DSCAM: variants seen among roughly 807,000 people sequenced by gnomAD.
DSCAM encodes cell adhesion molecule DSCAM.
A neutral mutation model predicts 217.7 loss-of-function variants in DSCAM; 47 were observed. The ratio of observed to expected loss-of-function variants is 0.22; its 90% CI spans 0.17 to 0.28. DSCAM has a LOEUF of 0.28. Ranked by LOEUF, DSCAM falls within the 10% of genes least tolerant of loss-of-function variation. DSCAM has a pLI of 1.00. For synonymous variants in DSCAM, 1,056 were observed against 1,015.3 expected (o/e 1.04, Z -0.76); for missense variants, 2,080 against 2,618.3 (o/e 0.79, Z 4.49).
intron 11 of DSCAM, among the ~76,000 whole-genome samples, chr21:40,272,228 C>G (rs531107580): frequency 6.6e-6 from 1 of 152,246 alleles, no homozygotes; most frequent in South Asian, 2.1e-4. Flanking sequence ...TGATTGCAAG[C>G]AGAGCCTACT....
intron 3 of DSCAM, among the ~76,000 whole-genome samples, chr21:40,483,102 G>C (rs371831432): frequency 6.6e-6 from 1 of 152,268 alleles, no homozygotes; most frequent in Non-Finnish European, 1.5e-5. Flanking sequence ...AATGTCCCAC[G>C]CAATTCTTCT....
intron 3 of DSCAM, among the ~76,000 whole-genome samples, chr21:40,687,504 G>A (rs943170710): frequency 1.3e-5 from 2 of 152,070 alleles, no homozygotes; most frequent in African/African-American, 4.8e-5. Flanking sequence ...ACAAAGCAGA[G>A]GCCCCCCACA....
At chr21:40,802,859 A>G (rs568603428) in intron 1 of DSCAM, among the ~76,000 whole-genome samples, 2 of 152,214 alleles carry the variant, frequency 1.3e-5, no homozygotes, top group East Asian at 3.9e-4. Flanking sequence ...TAAATTACAC[A>G]TTTCTAGAAT....
intron 12 of DSCAM, 80 bp downstream of exon 12, chr21:40,188,962 C>A: frequency 7.1e-7 from 1 of 1,413,664 alleles, no homozygotes; most frequent in Non-Finnish European, 9.9e-7. Flanking sequence ...TGCTACTTAT[C>A]TGCACCCGCT....
At chr21:40,451,519 G>A (rs1035332584) in intron 3 of DSCAM, among the ~76,000 whole-genome samples, 12 of 152,082 alleles carry the variant, frequency 7.9e-5, no homozygotes, top group African/African-American at 2.9e-4. Context: ...TAGGTGTGTG[G>A]GGCTCGTATC....
intron 10 of DSCAM, among the ~76,000 whole-genome samples, chr21:40,277,640 T>A (rs1178870052): frequency 1.3e-5 from 2 of 151,288 alleles, no homozygotes; most frequent in East Asian, 3.9e-4. Flanking sequence ...GAATTTTTTT[T>A]TTTTTTTTTT....
chr21:40,232,020 G>A (rs2091386492), intron 11 of DSCAM, among the ~76,000 whole-genome samples: 1 of 152,280 alleles, frequency 6.6e-6, no homozygotes, highest in Middle Eastern at 3.4e-3. Flanking sequence ...TCATCTAAAT[G>A]TTCCCATATA....
chr21:40,051,346 A>G, intron 30 of DSCAM, among the ~76,000 whole-genome samples: 1 of 152,240 alleles, frequency 6.6e-6, no homozygotes, highest in East Asian at 1.9e-4. Flanking sequence ...TCCATATATT[A>G]TGGATGCAAA....
At position 40,764,275 on chromosome 21, in the gene DSCAM, G is replaced by T. The variant is rs2091364427; in HGVS notation, c.44-55504C>A. On this transcript the variant is annotated intron_variant, in intron 1 of 32. Transcript: ENST00000400454. Reference sequence around the variant, plus strand: ...AAAAAACAAACAACTCCATCAAAAAGTGGGTCAAGTATATTAGCAGACACT... The same window carrying T: ...AAAAAACAAACAACTCCATCAAAAATTGGGTCAAGTATATTAGCAGACACT... Among the ~76,000 whole-genome samples, 5 of 151,270 alleles carry T rather than the reference G, an allele frequency of 3.3e-5. No homozygotes were observed. The South Asian group carries it at 1.0e-3, about 32-fold the overall frequency.
chr21:40,050,820 G>A (rs1286856083), intron 30 of DSCAM, among the ~76,000 whole-genome samples: 1 of 152,112 alleles, frequency 6.6e-6, no homozygotes, highest in Non-Finnish European at 1.5e-5. Flanking sequence ...CCTTTGCAAA[G>A]CTAATTCCCA....
chr21:40,619,840 A>G (rs1326633165), intron 3 of DSCAM, among the ~76,000 whole-genome samples: 1 of 137,554 alleles, frequency 7.3e-6, no homozygotes, highest in African/African-American at 2.6e-5. Context: ...TTAAGCATGT[A>G]AAGAAAAAAA....
chr21:40,456,452 T>C (rs2075764190), intron 3 of DSCAM, among the ~76,000 whole-genome samples: 2 of 152,136 alleles, frequency 1.3e-5, no homozygotes, highest in Non-Finnish European at 2.9e-5. Flanking sequence ...TTTAATTATA[T>C]GATTACAGGT....
chr21:40,266,777 C>CATATATATATATATATATAT (rs10684678), intron 11 of DSCAM, among the ~76,000 whole-genome samples: 9 of 109,082 alleles, frequency 8.3e-5, no homozygotes, highest in South Asian at 3.4e-4. Context: ...TTTTCACATG[C>CATATATATATATATATATAT]ATATATATAT....
chr21:40,553,971 G>T (rs1382605915), intron 3 of DSCAM, among the ~76,000 whole-genome samples: 1 of 152,086 alleles, frequency 6.6e-6, no homozygotes, highest in East Asian at 1.9e-4. Flanking sequence ...CCCAGATCTT[G>T]AATCAGGGTG....
At chr21:40,572,523 C>A (rs1397543545) in intron 3 of DSCAM, among the ~76,000 whole-genome samples, 1 of 151,918 alleles carries the variant, frequency 6.6e-6, no homozygotes, top group Middle Eastern at 3.2e-3. Flanking sequence ...ACACTTAGAG[C>A]ATAAAGAGAT....
intron 1 of DSCAM, among the ~76,000 whole-genome samples, chr21:40,770,727 C>A (rs1296018990): frequency 6.6e-6 from 1 of 152,168 alleles, no homozygotes; most frequent in Non-Finnish European, 1.5e-5. Context: ...TATGGGATCC[C>A]CATCTTCCAG....
rs574152055 is a variant in DSCAM, at chr21:40,645,034, G to A, written c.508+47776C>T. Among the ~76,000 whole-genome samples, 8 of 152,244 alleles carry A rather than the reference G, an allele frequency of 5.3e-5. No homozygotes were observed. In the South Asian group the frequency reaches 1.7e-3, roughly 32 times the overall value. On this transcript the variant is annotated intron_variant, in intron 3 of 32. Coordinates refer to ENST00000400454, the MANE Select transcript of DSCAM (RefSeq NM_001389.5). ...CATTTTATTCCAGCTTCAGGTTTTG[G>A]CCACAGAAGCATACACATACCGGGG... is the stretch of plus-strand genomic sequence containing the variant.
At chr21:40,722,674 G>A (rs1412298767) in intron 1 of DSCAM, among the ~76,000 whole-genome samples, 2 of 152,084 alleles carry the variant, frequency 1.3e-5, no homozygotes, top group Admixed American at 6.5e-5. Context: ...AGGTTTAAAC[G>A]AAACCAAATT....
At chr21:40,344,282 A>T (rs1438952612) in intron 6 of DSCAM, among the ~76,000 whole-genome samples, 2 of 152,180 alleles carry the variant, frequency 1.3e-5, no homozygotes, top group Admixed American at 1.3e-4. Flanking sequence ...AATATTTACT[A>T]ATATATTTAC....
Sources: gnomAD v4.1 joint callset for allele counts (sites outside exome capture counted in the v4.1 genomes callset) on GRCh38, gnomAD v4.1.1 for gene constraint, MANE v1.5 for transcripts, NCBI Gene and HGNC (gene_info 2026-07-23, HGNC 2026-07-21) for gene names.